Variants in HSD17B4 observed in about 807,000 individuals in gnomAD.
The protein encoded by HSD17B4 is peroxisomal multifunctional enzyme type 2.
HSD17B4 carries 70 observed loss-of-function variants against 101.0 expected under a neutral mutation model. The observed-to-expected ratio is 0.69, with a 90% CI of 0.57 to 0.85. The LOEUF is 0.85. Among genes scored for constraint, HSD17B4 ranks in the 40% least tolerant of loss-of-function variants. The pLI is 0.00. For missense variants in HSD17B4, 984 were observed against 892.4 expected (o/e 1.10, Z -1.31); for synonymous variants, 347 against 297.1 (o/e 1.17, Z -1.73).
Position 119,499,412 on chromosome 5 carries a change from G to C in HSD17B4, c.1068G>C (p.Lys356Asn), listed in dbSNP as rs760487512. 1 of 1,613,582 alleles carries C rather than the reference G, an allele frequency of 6.2e-7. No homozygotes were observed. Among genetic ancestry groups the C allele is most frequent in the East Asian group, 2.2e-5 (1 of 44,826 alleles). ...CCCTTGGAGTGGGAGCGTCAATCAAGGATCCAAAAGATTTGAAATTTATTT... is the reference window on the plus strand; with the variant it reads ...CCCTTGGAGTGGGAGCGTCAATCAACGATCCAAAAGATTTGAAATTTATTT... ...MYALGVGASI[K>N]DPKDLKFIYE... Residue 356 changes from lysine to asparagine, a missense_variant, in exon 13 of 24, where the codon AAG becomes AAC. Lys to Asn is a moderately conservative substitution (Grantham distance 94). Transcript: ENST00000510025.
chr5:119,535,386 G>T (rs1219477593), intron 22 of HSD17B4, among the ~76,000 whole-genome samples: 1 of 151,850 alleles, frequency 6.6e-6, no homozygotes, highest in Non-Finnish European at 1.5e-5. Context: ...TCCCATCTGG[G>T]ATTATACATT....
intron 11 of HSD17B4, 83 bp downstream of exon 11, chr5:119,494,029 T>C (rs1750366852): frequency 1.0e-5 from 14 of 1,398,502 alleles, no homozygotes; most frequent in Non-Finnish European, 1.4e-5. Context: ...TTGTCTTCTA[T>C]GTTAACTGTA....
chr5:119,469,420 T>G (rs1426138916), intron 2 of HSD17B4, among the ~76,000 whole-genome samples: 1 of 152,188 alleles, frequency 6.6e-6, no homozygotes, highest in African/African-American at 2.4e-5. Context: ...AGTGGCGCGG[T>G]CTCGGCTCAT....
At position 119,462,905 on chromosome 5, in the gene HSD17B4, G is replaced by C. The variant is rs144251206; in HGVS notation, c.112+6537G>C. On this transcript the variant is annotated intron_variant, in intron 2 of 23. Coordinates refer to ENST00000510025, the MANE Select transcript of HSD17B4 (RefSeq NM_000414.4). Reference sequence around the variant, plus strand: ...ATTTGAAAATATAGTATAAATTATTGTTGGCCATAATCACCCTAGAGTACT... The same window carrying C: ...ATTTGAAAATATAGTATAAATTATTCTTGGCCATAATCACCCTAGAGTACT... 5.2e-3 allele frequency among the ~76,000 whole-genome samples: 790 copies of C among 152,082 alleles called. 9 individuals are homozygous for C. Among genetic ancestry groups the C allele is most frequent in the African/African-American group, 0.018 (754 of 41,480 alleles).
chr5:119,531,309 G>A lies in HSD17B4; in HGVS notation c.1898G>A (p.Arg633His), dbSNP rs754096002. The change falls in exon 22 of 24, where the codon CGC (arginine) becomes CAC (histidine). Residue 633 changes from arginine to histidine, a missense_variant. Coordinates refer to ENST00000510025, the MANE Select transcript of HSD17B4 (RefSeq NM_000414.4). Reference sequence around the variant, plus strand: ...ACCTTTGTATTTGAGGAAATAGGACGCCGCCTAAAGGATATTGGGCCTGAG... The same window carrying A: ...ACCTTTGTATTTGAGGAAATAGGACACCGCCTAAAGGATATTGGGCCTGAG... ...QSTFVFEEIG[R>H]RLKDIGPEVV... The A allele has an allele frequency of 8.7e-6, 14 of 1,612,922 alleles. No homozygotes were observed. Among genetic ancestry groups the A allele is most frequent in the South Asian group, 5.5e-5 (5 of 91,072 alleles).
intron 10 of HSD17B4, chr5:119,492,543 A>C (rs193223352): frequency 7.9e-4 from 134 of 170,226 alleles, no homozygotes; most frequent in Admixed American, 1.5e-3. Flanking sequence ...CAAGTTCTCC[A>C]ATTTTCCCAT....
At position 119,479,127 on chromosome 5, in the gene HSD17B4, T is replaced by C. The variant is rs899832181; in HGVS notation, c.622+106T>C. On this transcript the variant is annotated intron_variant, in intron 8 of 23. Coordinates refer to ENST00000510025, the MANE Select transcript of HSD17B4 (RefSeq NM_000414.4). ...CTGAATACTTAAAAATTATTATTTTTTTCAATTTCGAAAGCATTATCTGTA... is the reference window on the plus strand; with the variant it reads ...CTGAATACTTAAAAATTATTATTTTCTTCAATTTCGAAAGCATTATCTGTA... The C allele has an allele frequency of 1.9e-5, 17 of 879,302 alleles. No individual in the cohort carries two copies. In the African/African-American group the frequency reaches 2.9e-4, roughly 15 times the overall value. The allele number at this position is 879,302 out of a possible 1,614,324, so 54.5% of individuals were successfully genotyped here.
intron 22 of HSD17B4, among the ~76,000 whole-genome samples, chr5:119,534,618 T>C (rs1387618019): frequency 1.3e-5 from 2 of 152,106 alleles, no homozygotes; most frequent in Non-Finnish European, 2.9e-5. Context: ...CTTAGGATTC[T>C]CAACTTGGAT....
intron 8 of HSD17B4, chr5:119,487,175 T>A (rs1268464947): frequency 1.3e-5 from 2 of 152,012 alleles, no homozygotes; most frequent in African/African-American, 2.4e-5. Context: ...TCAGTATTGT[T>A]ATTTGTATCA....
At chr5:119,537,578 A>C (rs1339604334) in intron 23 of HSD17B4, among the ~76,000 whole-genome samples, 1 of 152,168 alleles carries the variant, frequency 6.6e-6, no homozygotes, top group Non-Finnish European at 1.5e-5. Flanking sequence ...TAGTGTACTA[A>C]TGCAAAAGAA....
rs574954244 is a variant in HSD17B4, at chr5:119,492,181, A to G, written c.739+57A>G. 1.9e-5 allele frequency: 25 copies of G among 1,314,746 alleles called. 1 individual carries two copies. Among genetic ancestry groups the G allele is most frequent in the Middle Eastern group, 3.7e-4 (2 of 5,428 alleles). The allele number at this position is 1,314,746 out of a possible 1,614,324, so 81.4% of individuals were successfully genotyped here. On this transcript the variant is annotated intron_variant, in intron 10 of 23. Transcript: ENST00000510025. ...ATTATTTCCTTATCTTTAAACCTAC[A>G]TATCCAGTTGAGATGGGTAAGATTT...
chr5:119,506,879 T>C lies in HSD17B4; in HGVS notation c.1323T>C (p.Ile441=). The C allele has an allele frequency of 6.6e-7, 1 of 1,520,186 alleles. No homozygotes were observed. The highest frequency in any genetic ancestry group is 9.1e-7 in the Non-Finnish European group (1 of 1,095,670). 94.2% of individuals were successfully genotyped at this position (1,520,186 alleles called of 1,614,324 possible). ...DVLDKGSGVV[I]IMDVYSYSEK... is the part of the protein sequence containing the mutation. ...TAGATAAAGGATCCGGTGTAGTGAT[T>C]ATTATGGATGGTAATTTATTTACAA... Residue 441 remains isoleucine, a synonymous_variant, in exon 15 of 24, where the codon ATT becomes ATC. Transcript: ENST00000510025.
rs552085194 is a variant in HSD17B4, at chr5:119,458,971, G to C, written c.112+2603G>C. 5.9e-4 allele frequency among the ~76,000 whole-genome samples: 90 copies of C among 152,316 alleles called. No individual in the cohort carries two copies. The Middle Eastern group carries it at 0.01, about 17-fold the overall frequency. On this transcript the variant is annotated intron_variant, in intron 2 of 23. Coordinates refer to ENST00000510025, the MANE Select transcript of HSD17B4 (RefSeq NM_000414.4). ...AAGGACTGACAAAAAGGAGCAAAAA[G>C]AACTCCTTAGTAAAAGAAAGGGAGT...
chr5:119,522,139 A>G (rs537353543), intron 17 of HSD17B4, among the ~76,000 whole-genome samples: 2 of 151,542 alleles, frequency 1.3e-5, no homozygotes, highest in African/African-American at 4.9e-5. Flanking sequence ...CCTGTGTCCA[A>G]GTGTTCTCAT....
chr5:119,496,756 G>A, intron 12 of HSD17B4, 110 bp downstream of exon 12: 1 of 780,742 alleles, frequency 1.3e-6, no homozygotes, highest in Non-Finnish European at 2.4e-6. Context: ...TTTGGATGCA[G>A]TTACTTTCTT....
intron 11 of HSD17B4, among the ~76,000 whole-genome samples, chr5:119,496,138 A>G (rs1020759299): frequency 7.2e-5 from 11 of 152,186 alleles, no homozygotes; most frequent in African/African-American, 2.7e-4. Context: ...TAATCTTGGC[A>G]TTCTTTCATC....
intron 12 of HSD17B4, among the ~76,000 whole-genome samples, chr5:119,496,901 C>G (rs1720621354): frequency 6.6e-6 from 1 of 152,194 alleles, no homozygotes; most frequent in South Asian, 2.1e-4. Context: ...AGTTGAGCCA[C>G]ATGAAGAGAT....
chr5:119,475,719 C>CA lies in HSD17B4; in HGVS notation c.296dup (p.Asn99LysfsTer12), dbSNP rs1057516672. 1.3e-6 allele frequency: 2 copies of CA among 1,598,084 alleles called. No individual in the cohort carries two copies. The highest frequency in any genetic ancestry group is 2.2e-5 in the South Asian group (2 of 90,696). On this transcript the variant is annotated frameshift_variant, in exon 5 of 24. Coordinates refer to ENST00000510025, the MANE Select transcript of HSD17B4 (RefSeq NM_000414.4). LOFTEE classifies it high-confidence loss of function. Reference sequence around the variant, plus strand: ...TTTATATTGTAGATGTTGTGGTCAACAATGCTGGGTGAGTATTTCTTTTTC... The same window carrying CA: ...TTTATATTGTAGATGTTGTGGTCAACAAATGCTGGGTGAGTATTTCTTTTTC...
At chr5:119,522,784 G>C (rs10064000) in intron 17 of HSD17B4, among the ~76,000 whole-genome samples, 54,701 of 151,650 alleles carry the variant, frequency 0.36, 10,762 homozygotes, top group East Asian at 0.82. Flanking sequence ...GTTTTATTCT[G>C]TTCTCCCCGA....
Sources: gnomAD v4.1 joint callset for allele counts (sites outside exome capture counted in the v4.1 genomes callset) on GRCh38, gnomAD v4.1.1 for gene constraint, MANE v1.5 for transcripts, NCBI Gene and HGNC (gene_info 2026-07-23, HGNC 2026-07-21) for gene names.